Variants in TMC1 observed in about 807,000 individuals in gnomAD.
TMC1 encodes the protein transmembrane channel like 1, also known as transmembrane channel-like protein 1.
In TMC1, 84 loss-of-function variants were observed where a neutral mutation model predicts 105.8. The ratio of observed to expected loss-of-function variants is 0.79; its 90% CI spans 0.67 to 0.95. The LOEUF is 0.95. Ranked by LOEUF, TMC1 falls within the 40% of genes least tolerant of loss-of-function variation. The pLI is 0.00. For missense variants in TMC1, 817 were observed against 914.1 expected, an observed-to-expected ratio of 0.89 and a Z score of 1.37; for synonymous variants, 315 against 311.5, an observed-to-expected ratio of 1.01 and a Z score of -0.12.
chr9:72,581,904 T>G (rs544693071), intron 2 of TMC1, among the ~76,000 whole-genome samples: 8 of 152,320 alleles, frequency 5.3e-5, no homozygotes, highest in African/African-American at 1.9e-4. Flanking sequence ...AACAGAATCA[T>G]TAAAACAGTG....
intron 1 of TMC1, among the ~76,000 whole-genome samples, chr9:72,562,090 A>G (rs2132080429): frequency 6.6e-6 from 1 of 152,284 alleles, no homozygotes; most frequent in African/African-American, 2.4e-5. Flanking sequence ...ACTACTGTCT[A>G]ATAACATCTC....
At chr9:72,834,934 T>C (rs927082542) in intron 23 of TMC1, among the ~76,000 whole-genome samples, 3 of 152,182 alleles carry the variant, frequency 2.0e-5, no homozygotes, top group African/African-American at 7.2e-5. Flanking sequence ...AGGTACCTGT[T>C]GCTGCAAATT....
At chr9:72,561,858 C>T (rs979844749) in intron 1 of TMC1, among the ~76,000 whole-genome samples, 15 of 152,006 alleles carry the variant, frequency 9.9e-5, no homozygotes, top group Non-Finnish European at 1.5e-4. Context: ...GGCCCCAAAC[C>T]GGAGCGGGGT....
In TMC1 at chr9:72,754,995, G is replaced by A. The variant is rs1468812979; in HGVS notation, c.741+111G>A. 5.6e-6 allele frequency: 3 copies of A among 536,200 alleles called. No homozygotes were observed. The African/African-American group carries it at 6.0e-5, about 11-fold the overall frequency. 33.2% of individuals were successfully genotyped at this position (536,200 alleles called of 1,614,324 possible). A position where few individuals can be genotyped will look rare whatever the true frequency, so the allele number is the denominator to read the frequency against. On this transcript the variant is annotated intron_variant, in intron 12 of 23. Transcript: ENST00000297784. ...GGGTCAGGCTGAATGTCTTAAGAAA[G>A]ACGTCCCTGCTCCCTTTAAGAAAGA...
chr9:72,586,931 G>T (rs1824562578), intron 2 of TMC1, among the ~76,000 whole-genome samples: 1 of 152,120 alleles, frequency 6.6e-6, no homozygotes, highest in Non-Finnish European at 1.5e-5. Flanking sequence ...GGTGGTGGTG[G>T]TTGCATCAAT....
intron 9 of TMC1, chr9:72,741,316 C>T (rs1827386181): frequency 3.0e-6 from 1 of 337,264 alleles, no homozygotes; most frequent in South Asian, 3.8e-5. Context: ...TATTTCAGGA[C>T]AGCCAGCTTA....
intron 2 of TMC1, among the ~76,000 whole-genome samples, chr9:72,592,914 G>A (rs1770384781): frequency 1.3e-5 from 2 of 152,196 alleles, no homozygotes; most frequent in African/African-American, 2.4e-5. Context: ...GACAGTGGGT[G>A]TGTGAACCAG....
intron 12 of TMC1, among the ~76,000 whole-genome samples, chr9:72,761,574 T>A (rs1340172670): frequency 6.6e-6 from 1 of 152,168 alleles, no homozygotes; most frequent in African/African-American, 2.4e-5. Flanking sequence ...GTTAAGTAGG[T>A]ACATACATTA....
intron 3 of TMC1, among the ~76,000 whole-genome samples, chr9:72,618,022 CTTTT>C (rs34497983): frequency 7.6e-5 from 6 of 79,200 alleles, no homozygotes; most frequent in Non-Finnish European, 9.2e-5. Flanking sequence ...CTGGGTACAT[CTTTT>C]TTTTTTTTTT....
At chr9:72,701,840 A>G (rs1231935958) in intron 8 of TMC1, among the ~76,000 whole-genome samples, 1 of 152,198 alleles carries the variant, frequency 6.6e-6, no homozygotes, top group East Asian at 1.9e-4. Context: ...AAGGTTTTCC[A>G]AGTTCTAAAC....
chr9:72,830,412 A>G (rs1354230371), intron 21 of TMC1, 39 bp from the exon 22 acceptor site: 1 of 1,421,558 alleles, frequency 7.0e-7, no homozygotes, highest in Non-Finnish European at 9.9e-7. Flanking sequence ...GGGGAACTGA[A>G]ATATACCTTA....
At chr9:72,577,192 G>C (rs1011055493) in intron 1 of TMC1, among the ~76,000 whole-genome samples, 1 of 152,164 alleles carries the variant, frequency 6.6e-6, no homozygotes, top group East Asian at 1.9e-4. Flanking sequence ...TCCTCTTCCT[G>C]TTAGAACTTC....
chr9:72,817,151 C>G (rs556385238), intron 19 of TMC1: 2 of 152,214 alleles, frequency 1.3e-5, no homozygotes, highest in South Asian at 4.1e-4. Context: ...ATGCTAAAAC[C>G]GTCTTGCTTC....
At chr9:72,658,980 C>G (rs976708350) in intron 5 of TMC1, among the ~76,000 whole-genome samples, 2 of 152,218 alleles carry the variant, frequency 1.3e-5, no homozygotes, top group Non-Finnish European at 1.5e-5. Context: ...AAGTGCTTAA[C>G]TTTTTGCCCT....
intron 5 of TMC1, among the ~76,000 whole-genome samples, chr9:72,658,440 G>A (rs1825917498): frequency 6.6e-6 from 1 of 152,080 alleles, no homozygotes; most frequent in South Asian, 2.1e-4. Context: ...TGCAGTGCAG[G>A]CCCTGACATA....
At chr9:72,605,965 C>T (rs930908808) in intron 2 of TMC1, among the ~76,000 whole-genome samples, 1 of 152,138 alleles carries the variant, frequency 6.6e-6, no homozygotes, top group African/African-American at 2.4e-5. Flanking sequence ...TAGGGCCAAG[C>T]TGTATGGCTT....
At chr9:72,681,894 T>G (rs566396241) in intron 5 of TMC1, among the ~76,000 whole-genome samples, 61 of 152,200 alleles carry the variant, frequency 4.0e-4, no homozygotes, top group Non-Finnish European at 6.8e-4. Flanking sequence ...ATCAATTATT[T>G]TATATTGTGT....
At chr9:72,633,160 T>C (rs1465164168) in intron 4 of TMC1, among the ~76,000 whole-genome samples, 2 of 152,224 alleles carry the variant, frequency 1.3e-5, no homozygotes, top group African/African-American at 4.8e-5. Flanking sequence ...GTTTGTTCAA[T>C]AAAATCATGG....
At chr9:72,617,221 G>T (rs1825148910) in intron 3 of TMC1, among the ~76,000 whole-genome samples, 1 of 152,076 alleles carries the variant, frequency 6.6e-6, no homozygotes, top group Non-Finnish European at 1.5e-5. Context: ...GAGTGCAGGG[G>T]TGCTATCTCG....
Sources: allele counts gnomAD v4.1 joint callset (sites outside exome capture counted in the v4.1 genomes callset), GRCh38; gene constraint gnomAD v4.1.1; transcripts MANE v1.5; gene names NCBI Gene and HGNC (gene_info 2026-07-23, HGNC 2026-07-21).